Variants in ACSM3 observed in about 807,000 individuals in gnomAD.
ACSM3 encodes acyl-coenzyme A synthetase ACSM3, mitochondrial.
A neutral mutation model predicts 74.1 loss-of-function variants in ACSM3; 61 were observed. The observed-to-expected ratio is 0.82, with a 90% CI of 0.67 to 1.02. The LOEUF (loss-of-function observed/expected upper bound fraction) is 1.02. Ranked by LOEUF, ACSM3 falls within the 50% of genes least tolerant of loss-of-function variation. The pLI, the probability that ACSM3 is intolerant of heterozygous loss-of-function variation, is 0.00. For synonymous variants in ACSM3, 213 were observed against 241.5 expected (o/e 0.88, Z 1.09); for missense variants, 660 against 697.0 (o/e 0.95, Z 0.60).
chr16:20,742,562 G>A (rs1414791678), intron 1 of ACSM3, among the ~76,000 whole-genome samples: 3 of 150,546 alleles, frequency 2.0e-5, no homozygotes, highest in Admixed American at 1.3e-4. Flanking sequence ...GGAATCACTC[G>A]AACTCGGGAA....
chr16:20,690,748 G>T (rs907571144), intron 1 of ACSM3, among the ~76,000 whole-genome samples: 2 of 152,248 alleles, frequency 1.3e-5, no homozygotes, highest in African/African-American at 4.8e-5. Flanking sequence ...TTGAATAAAA[G>T]ATATATTTAC....
At chr16:20,782,938 C>A (rs573522772) in intron 7 of ACSM3, among the ~76,000 whole-genome samples, 211 of 152,350 alleles carry the variant, frequency 1.4e-3, no homozygotes, top group African/African-American at 4.9e-3. Flanking sequence ...GGGTGCACTA[C>A]CTTTCCGGCA....
intron 3 of ACSM3, among the ~76,000 whole-genome samples, chr16:20,776,323 G>C (rs2080255140): frequency 6.6e-6 from 1 of 152,158 alleles, no homozygotes; most frequent in Admixed American, 6.5e-5. Flanking sequence ...TTCTGGTCCT[G>C]GTTGTTGGTT....
chr16:20,742,815 T>TATA (rs1567334289), intron 1 of ACSM3, among the ~76,000 whole-genome samples: 39 of 47,102 alleles, frequency 8.3e-4, no homozygotes, highest in African/African-American at 1.7e-3. Flanking sequence ...ATATATATAT[T>TATA]TTTTTTTTTT....
chr16:20,735,053 G>C (rs2079857502), intron 1 of ACSM3: 1 of 152,210 alleles, frequency 6.6e-6, no homozygotes, highest in Non-Finnish European at 1.5e-5. Context: ...AACATTTCAA[G>C]AATTCCTCTG....
intron 1 of ACSM3, among the ~76,000 whole-genome samples, chr16:20,675,760 C>T (rs2020240760): frequency 6.6e-6 from 1 of 152,176 alleles, no homozygotes; most frequent in South Asian, 2.1e-4. Flanking sequence ...CCAGGGCATT[C>T]AGACCTAGTC....
At chr16:20,718,401 G>A in intron 1 of ACSM3, 2 of 915,516 alleles carry the variant, frequency 2.2e-6, no homozygotes, top group Non-Finnish European at 3.0e-6. Context: ...AAGAACCAGT[G>A]GCCATTTATT....
In ACSM3 at chr16:20,775,478, T is replaced by C. The variant is rs559988174; in HGVS notation, c.220-361T>C. On this transcript the variant is annotated intron_variant, in intron 2 of 13. Coordinates refer to ENST00000289416, the MANE Select transcript of ACSM3 (RefSeq NM_005622.4). The stretch of plus-strand genomic sequence containing the variant: ...CATTTTCCTCAAAATAGGGAGTCCC[T>C]CTGGGCTCTGTGCTGATCCTGGCCA... 2.6e-5 allele frequency among the ~76,000 whole-genome samples: 4 copies of C among 152,274 alleles called. No individual in the cohort carries two copies. In the East Asian group the frequency reaches 7.7e-4, roughly 29 times the overall value.
chr16:20,738,843 AG>A, intron 1 of ACSM3: 2 of 1,587,038 alleles, frequency 1.3e-6, no homozygotes, highest in East Asian at 4.5e-5. Context: ...TCCCTGAGAC[AG>A]GAAGATACCC....
At chr16:20,748,575 A>ACTG (rs1472324641) in intron 1 of ACSM3, among the ~76,000 whole-genome samples, 1 of 152,204 alleles carries the variant, frequency 6.6e-6, no homozygotes, top group Non-Finnish European at 1.5e-5. Flanking sequence ...ATAAGTGTTC[A>ACTG]CTGCTGCTGT....
intron 1 of ACSM3, among the ~76,000 whole-genome samples, chr16:20,723,516 C>G (rs867949004): frequency 1.3e-5 from 2 of 151,812 alleles, no homozygotes; most frequent in South Asian, 2.1e-4. Context: ...TAAAAGTGTT[C>G]CTATTTCTCC....
chr16:20,685,156 G>A, intron 1 of ACSM3: 1 of 1,609,086 alleles, frequency 6.2e-7, no homozygotes, highest in Admixed American at 1.7e-5. Context: ...TTCTAGAACA[G>A]CCCCGAGGTC....
intron 1 of ACSM3, among the ~76,000 whole-genome samples, chr16:20,709,377 G>C (rs567233768): frequency 5.2e-4 from 79 of 152,304 alleles, no homozygotes; most frequent in African/African-American, 1.9e-3. Context: ...AAAACAAGCA[G>C]GTTAGATTAT....
At chr16:20,732,405 AT>A (rs1290093162) in intron 1 of ACSM3, among the ~76,000 whole-genome samples, 1 of 152,194 alleles carries the variant, frequency 6.6e-6, no homozygotes, top group Non-Finnish European at 1.5e-5. Flanking sequence ...CAGAAAGGCT[AT>A]TTGAGGACAT....
intron 1 of ACSM3, among the ~76,000 whole-genome samples, chr16:20,715,179 C>T (rs1256174187): frequency 1.3e-5 from 2 of 152,132 alleles, no homozygotes; most frequent in Non-Finnish European, 2.9e-5. Flanking sequence ...CCAACACATA[C>T]CAATTTGACT....
At chr16:20,697,711 T>A (rs1199330690) in intron 1 of ACSM3, 1 of 152,182 alleles carries the variant, frequency 6.6e-6, no homozygotes, top group African/African-American at 2.4e-5. Context: ...CTTTTGTAGG[T>A]TCAGTTCTCT....
chr16:20,703,224 T>C (rs907240105), intron 1 of ACSM3: 1 of 152,224 alleles, frequency 6.6e-6, no homozygotes, highest in Non-Finnish European at 1.5e-5. Context: ...AGCCTTGTAG[T>C]ATAGTTTGAA....
At chr16:20,732,026 CTTG>C (rs1383622700) in intron 1 of ACSM3, among the ~76,000 whole-genome samples, 4 of 152,124 alleles carry the variant, frequency 2.6e-5, no homozygotes, top group Non-Finnish European at 4.4e-5. Context: ...GGCCAACTGC[CTTG>C]TTTTTAGGGA....
At chr16:20,780,899 AAAG>A in intron 5 of ACSM3, 42 bp downstream of exon 5, 2 of 1,613,710 alleles carry the variant, frequency 1.2e-6, no homozygotes, top group Non-Finnish European at 1.7e-6. Flanking sequence ...TCAAAACTGC[AAAG>A]ATGATGACTT....
Sources: allele counts gnomAD v4.1 joint callset (sites outside exome capture counted in the v4.1 genomes callset), GRCh38; gene constraint gnomAD v4.1.1; transcripts MANE v1.5; gene names NCBI Gene and HGNC (gene_info 2026-07-23, HGNC 2026-07-21).